Variants in PTPRU observed in about 807,000 individuals in gnomAD.
PTPRU encodes the protein protein tyrosine phosphatase receptor type U.
In PTPRU, 69 loss-of-function variants were observed where a neutral mutation model predicts 166.3. The observed-to-expected ratio is 0.41, with a 90% CI of 0.34 to 0.51. PTPRU has a LOEUF of 0.51. PTPRU is among the 20% of genes least tolerant of loss of function. PTPRU has a pLI of 0.09. For missense variants in PTPRU, 1,657 were observed against 2,013.7 expected, an observed-to-expected ratio of 0.82 and a Z score of 3.39; for synonymous variants, 793 against 814.0, an observed-to-expected ratio of 0.97 and a Z score of 0.44.
In PTPRU at chr1:29,323,631, TTGCAGGAGGGGCACC is replaced by T; in HGVS notation, c.3959_3973del (p.Gln1320_Leu1324del). 6.2e-7 allele frequency: 1 copy of T among 1,613,936 alleles called. No individual in the cohort carries two copies. ...CCTGGCTGGCTGCCCCTGTCCCCAGTTGCAGGAGGGGCACCTGCTGGTGCGGCACTTCCAGTTCCT... is the reference window on the plus strand; with the variant it reads ...CCTGGCTGGCTGCCCCTGTCCCCAGTTGCTGGTGCGGCACTTCCAGTTCCT... On this transcript the variant is annotated inframe_deletion and splice_region_variant, in exon 28 of 30. Transcript: ENST00000373779.
Position 29,260,096 on chromosome 1 carries a change from GC to G in PTPRU, c.850+54del. 1.5e-6 allele frequency: 2 copies of G among 1,348,200 alleles called. No individual in the cohort carries two copies. Among genetic ancestry groups the G allele is most frequent in the Non-Finnish European group, 1.9e-6 (2 of 1,054,170 alleles). The allele number at this position is 1,348,200 out of a possible 1,614,324, so 83.5% of individuals were successfully genotyped here. ...CGGGACCTCACCCTCGAGGGGCGGG[GC>G]CGGCGACGGGGGCGGGCTCTGCCCG... On this transcript the variant is annotated intron_variant, in intron 6 of 29. Coordinates refer to ENST00000373779, the MANE Select transcript of PTPRU (RefSeq NM_133178.4). The surrounding 1 kb of genome is among the most constrained non-coding windows in gnomAD (Gnocchi z 8.3).
In PTPRU at chr1:29,320,635, C is replaced by T. The variant is rs1442420973; in HGVS notation, c.3688-50C>T. 2 of 1,508,402 alleles carry T rather than the reference C, an allele frequency of 1.3e-6. No individual in the cohort carries two copies. Among genetic ancestry groups the T allele is most frequent in the Admixed American group, 2.0e-5 (1 of 51,054 alleles). The allele number at this position is 1,508,402 out of a possible 1,614,324, so 93.4% of individuals were successfully genotyped here. A position where few individuals can be genotyped will look rare whatever the true frequency, so the allele number is the denominator to read the frequency against. ...GACAGCCTGGGGCAGAGGCTCAGCCCAGGCCAGGGGCCGGGAACAGGGCCC... is the reference window on the plus strand; with the variant it reads ...GACAGCCTGGGGCAGAGGCTCAGCCTAGGCCAGGGGCCGGGAACAGGGCCC... On this transcript the variant is annotated intron_variant, in intron 25 of 29. Transcript: ENST00000373779. This position sits in a 1 kb window ranked among gnomAD's most constrained non-coding sequence, Gnocchi z 5.2.
At chr1:29,266,010 G>GTTTTTTTTTTT (rs34163524) in intron 7 of PTPRU, among the ~76,000 whole-genome samples, 3 of 79,230 alleles carry the variant, frequency 3.8e-5, no homozygotes, top group African/African-American at 8.9e-5. Flanking sequence ...TTTCTCCTGG[G>GTTTTTTTTTTT]TTTTTTTTTT....
rs1277468526 is a variant in PTPRU, at chr1:29,279,618, G to A, written c.1726G>A (p.Gly576Ser). The A allele has an allele frequency of 3.7e-6, 6 of 1,613,398 alleles. No homozygotes were observed. The highest frequency in any genetic ancestry group is 1.3e-5 in the African/African-American group (1 of 75,028). ...SVRARTGKGF[G>S]QAALTEITTN... ...GCGGGCCCGCACAGGCAAAGGCTTC[G>A]GCCAGGCGGCACTCACTGAGATAAC... is the stretch of plus-strand genomic sequence containing the variant. The change falls in exon 10 of 30, where the codon GGC (glycine) becomes AGC (serine). Residue 576 changes from glycine to serine, a missense_variant. By Grantham distance (56) the Gly-to-Ser change is moderately conservative. Transcript: ENST00000373779. This position sits in a 1 kb window ranked among gnomAD's most constrained non-coding sequence, Gnocchi z 5.2.
At position 29,311,208 on chromosome 1, in the gene PTPRU, C is replaced by T; in HGVS notation, c.2858-248C>T. ...GACACTCATGCCATTGCCCAACCAT[C>T]TGGTCCTCCTCCAGGGTCCCATTCA... is the stretch of plus-strand genomic sequence containing the variant. On this transcript the variant is annotated intron_variant, in intron 19 of 29. Coordinates refer to ENST00000373779, the MANE Select transcript of PTPRU (RefSeq NM_133178.4). The surrounding 1 kb of genome is among the most constrained non-coding windows in gnomAD (Gnocchi z 4.1). 6 of 590,800 alleles carry T rather than the reference C, an allele frequency of 1.0e-5. No homozygotes were observed. The highest frequency in any genetic ancestry group is 4.6e-4 in the Middle Eastern group (1 of 2,186). The allele number at this position is 590,800 out of a possible 1,614,324, so 36.6% of individuals were successfully genotyped here.
intron 18 of PTPRU, among the ~76,000 whole-genome samples, chr1:29,307,325 C>T (rs998238657): frequency 1.3e-5 from 2 of 152,236 alleles, no homozygotes; most frequent in African/African-American, 4.8e-5. Flanking sequence ...CTGCCCAGGG[C>T]TGAAGATTCG....
In PTPRU at chr1:29,326,139, C is replaced by T; in HGVS notation, c.*478C>T. 1 of 362,584 alleles carries T rather than the reference C, an allele frequency of 2.8e-6. No individual in the cohort carries two copies. 22.5% of individuals were successfully genotyped at this position (362,584 alleles called of 1,614,324 possible). On this transcript the variant is annotated 3_prime_UTR_variant, in exon 30 of 30. Coordinates refer to ENST00000373779, the MANE Select transcript of PTPRU (RefSeq NM_133178.4). ...CATTTAGGATTCCATCTGGCCCAGCCCCTGAAGGTCCTGGGGAAGCAGGTC... is the reference window on the plus strand; with the variant it reads ...CATTTAGGATTCCATCTGGCCCAGCTCCTGAAGGTCCTGGGGAAGCAGGTC...
At chr1:29,277,747 G>T (rs1000240608) in intron 8 of PTPRU, among the ~76,000 whole-genome samples, 5 of 141,916 alleles carry the variant, frequency 3.5e-5, no homozygotes, top group African/African-American at 1.0e-4. Flanking sequence ...TTTTACAGAA[G>T]AAGTCACAGA....
At chr1:29,295,956 G>A (rs1300696560) in intron 15 of PTPRU, among the ~76,000 whole-genome samples, 1 of 152,134 alleles carries the variant, frequency 6.6e-6, no homozygotes, top group Non-Finnish European at 1.5e-5. Flanking sequence ...CTCTCGAAGT[G>A]CTGAGATTAC....
intron 14 of PTPRU, chr1:29,289,828 C>A (rs759369869): frequency 3.3e-5 from 40 of 1,204,386 alleles, no homozygotes; most frequent in Non-Finnish European, 4.8e-5. Context: ...TGGTGTCCAC[C>A]CGGTTCTCTC....
chr1:29,304,097 C>A (rs1175593649), intron 16 of PTPRU, 52 bp downstream of exon 16: 1 of 1,561,480 alleles, frequency 6.4e-7, no homozygotes, highest in Non-Finnish European at 8.7e-7. Flanking sequence ...TCACCTGGCT[C>A]TTACTCTCTG....
chr1:29,283,868 T>C, intron 12 of PTPRU, 72 bp from the exon 13 acceptor site: 1 of 1,570,592 alleles, frequency 6.4e-7, no homozygotes, highest in South Asian at 1.1e-5. Context: ...AGAAACGCTG[T>C]CTGAGGTTCC....
chr1:29,322,916 A>G (rs540546204), intron 26 of PTPRU, among the ~76,000 whole-genome samples: 1 of 150,564 alleles, frequency 6.6e-6, no homozygotes, highest in African/African-American at 2.5e-5. Flanking sequence ...AAGTGGGGGT[A>G]CTGAACTGTG....
At chr1:29,255,430 T>C in intron 2 of PTPRU, 24 bp downstream of exon 2, 1 of 1,611,924 alleles carries the variant, frequency 6.2e-7, no homozygotes, top group Non-Finnish European at 8.5e-7. Flanking sequence ...CCATCGCCAT[T>C]ACCCCTTCTT....
chr1:29,246,566 G>A (rs928376874), intron 1 of PTPRU, among the ~76,000 whole-genome samples: 14 of 152,062 alleles, frequency 9.2e-5, no homozygotes, highest in African/African-American at 2.7e-4. Context: ...GCACTCTACC[G>A]GATTGCGGGA....
chr1:29,323,610 G>A, intron 27 of PTPRU, 21 bp from the exon 28 acceptor site: 3 of 1,613,540 alleles, frequency 1.9e-6, no homozygotes, highest in Non-Finnish European at 2.5e-6. Flanking sequence ...GTCCTCCCTG[G>A]CTGGCTGCCC....
At chr1:29,302,386 T>C (rs1483990611) in intron 15 of PTPRU, among the ~76,000 whole-genome samples, 1 of 152,174 alleles carries the variant, frequency 6.6e-6, no homozygotes, top group South Asian at 2.1e-4. Flanking sequence ...ATAAGTGTAT[T>C]GTAGCCTAAG....
At chr1:29,325,347 C>A in intron 29 of PTPRU, 21 bp downstream of exon 29, 5 of 1,612,962 alleles carry the variant, frequency 3.1e-6, no homozygotes, top group Admixed American at 1.7e-5. Flanking sequence ...GTGTCCCGTG[C>A]CCAGCCACTT....
chr1:29,319,880 A>G (rs1476605803), intron 25 of PTPRU, among the ~76,000 whole-genome samples: 2 of 152,062 alleles, frequency 1.3e-5, no homozygotes, highest in African/African-American at 4.8e-5. Context: ...GCAGGTCACC[A>G]GGGGAGGCTG....
Sources: gnomAD v4.1 joint callset for allele counts (sites outside exome capture counted in the v4.1 genomes callset) on GRCh38, gnomAD v4.1.1 for gene constraint, Gnocchi (gnomAD v3.1) non-coding constraint, MANE v1.5 for transcripts, NCBI Gene and HGNC (gene_info 2026-07-23, HGNC 2026-07-21) for gene names.